FSTL4: variants seen among roughly 807,000 people sequenced by gnomAD.
FSTL4 encodes follistatin-related protein 4.
FSTL4 carries 28 observed loss-of-function variants against 78.2 expected under a neutral mutation model. The ratio of observed to expected loss-of-function variants is 0.36; its 90% CI spans 0.27 to 0.49. The LOEUF (loss-of-function observed/expected upper bound fraction) is 0.49, where lower values mean the gene tolerates loss of function less well. Ranked by LOEUF, FSTL4 falls within the 20% of genes least tolerant of loss-of-function variation. FSTL4 has a pLI of 0.98. For synonymous variants in FSTL4, 422 were observed against 440.5 expected, an observed-to-expected ratio of 0.96 and a Z score of 0.53; for missense variants, 922 against 1,084.9, an observed-to-expected ratio of 0.85 and a Z score of 2.11.
the FSTL4 span, among the ~76,000 whole-genome samples, chr5:133,727,999 A>G: frequency 5.9e-5 from 9 of 152,196 alleles, no homozygotes; most frequent in African/African-American, 2.2e-4. Flanking sequence ...CTTTGTGCAT[A>G]TAAGGAGAGA....
intron 6 of FSTL4, among the ~76,000 whole-genome samples, chr5:133,301,612 C>G (rs189575304): frequency 6.6e-6 from 1 of 152,160 alleles, no homozygotes; most frequent in African/African-American, 2.4e-5. Flanking sequence ...CATTCCCACC[C>G]CACCTGGATG....
chr5:133,633,067 G>A, the FSTL4 span, among the ~76,000 whole-genome samples: 2 of 142,754 alleles, frequency 1.4e-5, no homozygotes, highest in Non-Finnish European at 3.1e-5. Context: ...CTCTCTTGTT[G>A]CTTTCAATAT....
chr5:133,352,158 T>C (rs2126926762), intron 4 of FSTL4, among the ~76,000 whole-genome samples: 1 of 151,800 alleles, frequency 6.6e-6, no homozygotes, highest in Non-Finnish European at 1.5e-5. Context: ...GAAGTGAGCA[T>C]AGTACCCAAC....
chr5:133,459,242 C>T (rs1354395724), intron 3 of FSTL4, among the ~76,000 whole-genome samples: 1 of 152,104 alleles, frequency 6.6e-6, no homozygotes, highest in East Asian at 1.9e-4. Context: ...AAGAGCAAAG[C>T]AAACCCACCG....
At chr5:133,638,359 C>T in the FSTL4 span, among the ~76,000 whole-genome samples, 1 of 152,180 alleles carries the variant, frequency 6.6e-6, no homozygotes, top group Non-Finnish European at 1.5e-5. Flanking sequence ...CATGTCTTGA[C>T]TCCCTCCTTC....
chr5:133,499,040 A>G (rs1758432050), intron 3 of FSTL4, among the ~76,000 whole-genome samples: 2 of 147,872 alleles, frequency 1.4e-5, no homozygotes, highest in Admixed American at 1.3e-4. Flanking sequence ...ACTCGCAGGT[A>G]ATTTTCTAAA....
the FSTL4 span, among the ~76,000 whole-genome samples, chr5:133,728,501 T>C: frequency 2.0e-5 from 3 of 152,242 alleles, no homozygotes; most frequent in Admixed American, 2.0e-4. Context: ...CACTGGAAGC[T>C]GGACTTCATG....
chr5:133,519,705 A>T (rs1286429416), intron 3 of FSTL4, among the ~76,000 whole-genome samples: 1 of 152,160 alleles, frequency 6.6e-6, no homozygotes, highest in Non-Finnish European at 1.5e-5. Flanking sequence ...TTTTATAGAG[A>T]ATTTTGTTGT....
chr5:133,612,013 C>T lies in FSTL4; in HGVS notation c.-11+312G>A, dbSNP rs431667. Reference sequence around the variant, plus strand: ...GCCCGAGCGCTTCTGCGTGGCGCCCCGCGTGCCAACCGGGTCACTCCGGTC... The same window carrying T: ...GCCCGAGCGCTTCTGCGTGGCGCCCTGCGTGCCAACCGGGTCACTCCGGTC... On this transcript the variant is annotated intron_variant, in intron 1 of 15. Coordinates refer to ENST00000265342, the MANE Select transcript of FSTL4 (RefSeq NM_015082.2). This position sits in a 1 kb window ranked among gnomAD's most constrained non-coding sequence, Gnocchi z 6.2. 3.9e-5 allele frequency among the ~76,000 whole-genome samples: 6 copies of T among 151,902 alleles called. No homozygotes were observed. Among genetic ancestry groups the T allele is most frequent in the Admixed American group, 2.0e-4 (3 of 15,274 alleles).
intron 3 of FSTL4, among the ~76,000 whole-genome samples, chr5:133,412,402 C>G (rs988831211): frequency 1.3e-5 from 2 of 152,114 alleles, no homozygotes; most frequent in African/African-American, 4.8e-5. Context: ...AGTTACCACT[C>G]CAATGGGAAA....
chr5:133,276,336 G>A (rs905754258), intron 6 of FSTL4, among the ~76,000 whole-genome samples: 1 of 152,234 alleles, frequency 6.6e-6, no homozygotes, highest in Non-Finnish European at 1.5e-5. Context: ...CTCTGAGCAG[G>A]TGGCTGTCTA....
At chr5:133,467,886 CA>C (rs967358963) in intron 3 of FSTL4, among the ~76,000 whole-genome samples, 17 of 152,212 alleles carry the variant, frequency 1.1e-4, no homozygotes, top group African/African-American at 4.1e-4. Flanking sequence ...TACCTTGAAA[CA>C]CTCGGGTGGT....
At chr5:133,573,160 C>T (rs981291814) in intron 2 of FSTL4, among the ~76,000 whole-genome samples, 10 of 151,894 alleles carry the variant, frequency 6.6e-5, no homozygotes, top group African/African-American at 1.2e-4. Flanking sequence ...AGAAGAATGG[C>T]GTGAACCCGG....
At chr5:133,493,110 A>G (rs1758302748) in intron 3 of FSTL4, among the ~76,000 whole-genome samples, 1 of 152,104 alleles carries the variant, frequency 6.6e-6, no homozygotes, top group African/African-American at 2.4e-5. Flanking sequence ...TTATTATTCT[A>G]ATAATTTCAA....
intron 3 of FSTL4, among the ~76,000 whole-genome samples, chr5:133,518,918 C>T (rs1290162538): frequency 6.6e-6 from 1 of 152,148 alleles, no homozygotes; most frequent in Admixed American, 6.5e-5. Context: ...CCCTGACCCC[C>T]CATGGAATGC....
At chr5:133,439,561 C>A (rs1757107428) in intron 3 of FSTL4, among the ~76,000 whole-genome samples, 1 of 152,194 alleles carries the variant, frequency 6.6e-6, no homozygotes, top group Non-Finnish European at 1.5e-5. Context: ...TGCCTTCATC[C>A]CTCCTGCTTC....
chr5:133,346,898 G>C (rs1754707064), intron 4 of FSTL4, among the ~76,000 whole-genome samples: 1 of 151,880 alleles, frequency 6.6e-6, no homozygotes, highest in African/African-American at 2.4e-5. Flanking sequence ...TTTAATGTTG[G>C]TGACTGCATT....
chr5:133,646,570 A>G, the FSTL4 span, among the ~76,000 whole-genome samples: 5,836 of 152,276 alleles, frequency 0.038, 139 homozygotes, highest in East Asian at 0.085. Flanking sequence ...GCAGGGAGAC[A>G]AGTTAGTAGA....
chr5:133,410,634 C>T (rs538336922), intron 3 of FSTL4, among the ~76,000 whole-genome samples: 40 of 152,290 alleles, frequency 2.6e-4, no homozygotes, highest in South Asian at 1.9e-3. Flanking sequence ...ATACAAGGGC[C>T]GCCCCGGTCC....
Sources: allele counts gnomAD v4.1 joint callset (sites outside exome capture counted in the v4.1 genomes callset), GRCh38; gene constraint gnomAD v4.1.1; non-coding constraint Gnocchi (gnomAD v3.1); transcripts MANE v1.5; gene names NCBI Gene and HGNC (gene_info 2026-07-23, HGNC 2026-07-21).